The following HSPA9 variants were observed in gnomAD, a reference collection of about 807,000 sequenced individuals.
HSPA9 encodes heat shock protein family A (Hsp70) member 9.
A neutral mutation model predicts 81.5 loss-of-function variants in HSPA9; 28 were observed. The ratio of observed to expected loss-of-function variants is 0.34; its 90% confidence interval spans 0.25 to 0.47. HSPA9 has a LOEUF of 0.47. Among genes scored for constraint, HSPA9 ranks in the 20% least tolerant of loss-of-function variants. The probability of loss-of-function intolerance (pLI) is 1.00; values close to 1 mark genes in which losing one functional copy is unlikely to be tolerated. For missense variants in HSPA9, 678 were observed against 838.0 expected, an observed-to-expected ratio of 0.81 and a Z score of 2.36; for synonymous variants, 293 against 290.4, an observed-to-expected ratio of 1.01 and a Z score of -0.09.
intron 5 of HSPA9, among the ~76,000 whole-genome samples, chr5:138,568,703 C>G (rs759665668): frequency 1.3e-5 from 2 of 151,892 alleles, no homozygotes; most frequent in East Asian, 1.9e-4. Flanking sequence ...AACATTACCC[C>G]CTACTGGAAA....
chr5:138,569,668 T>C (rs1750836261), intron 4 of HSPA9, among the ~76,000 whole-genome samples: 1 of 152,204 alleles, frequency 6.6e-6, no homozygotes, highest in Non-Finnish European at 1.5e-5. Flanking sequence ...ACAGAATTCA[T>C]ATTCTACTCA....
chr5:138,561,096 A>G (rs1479083240), intron 10 of HSPA9: 3 of 493,394 alleles, frequency 6.1e-6, no homozygotes, highest in African/African-American at 1.9e-5. Context: ...TGTTGAATAA[A>G]ATACATCATT....
intron 16 of HSPA9, 98 bp from the exon 17 acceptor site, chr5:138,556,212 A>G (rs942016534): frequency 9.1e-7 from 1 of 1,096,452 alleles, no homozygotes; most frequent in Non-Finnish European, 1.4e-6. Flanking sequence ...ATATGTCCTC[A>G]TCATTCATTT....
chr5:138,571,960 C>CTTTTT (rs10694029), intron 3 of HSPA9, among the ~76,000 whole-genome samples: 11,643 of 100,340 alleles, frequency 0.12, 1,992 homozygotes, highest in African/African-American at 0.15. Context: ...CTGCGCCTGG[C>CTTTTT]TTTTTTTTTT....
chr5:138,556,596 A>T lies in HSPA9; in HGVS notation c.1822-4T>A. 6.2e-7 allele frequency: 1 copy of T among 1,613,510 alleles called. No individual in the cohort carries two copies. The highest frequency in any genetic ancestry group is 8.5e-7 in the Non-Finnish European group (1 of 1,179,774). On this transcript the variant is annotated splice_polypyrimidine_tract_variant and splice_region_variant and intron_variant, in intron 15 of 16. Transcript: ENST00000297185. Reference sequence around the variant, plus strand: ...TCTCTTCTTTCAGCTTGTTGCACTTAAAAAAAGAAAACAAAAATCCTTACT... The same window carrying T: ...TCTCTTCTTTCAGCTTGTTGCACTTTAAAAAAGAAAACAAAAATCCTTACT...
At chr5:138,559,491 A>G (rs551356590) in intron 11 of HSPA9, among the ~76,000 whole-genome samples, 26 of 152,220 alleles carry the variant, frequency 1.7e-4, no homozygotes, top group South Asian at 6.2e-4. Context: ...TCATTCATCC[A>G]TAAGATAAGA....
Position 138,559,915 on chromosome 5 carries a change from G to A in HSPA9, c.1359C>T (p.Val453=). 6.2e-7 allele frequency: 1 copy of A among 1,614,080 alleles called. No individual in the cohort carries two copies. Among genetic ancestry groups the A allele is most frequent in the Non-Finnish European group, 8.5e-7 (1 of 1,179,978 alleles). Residue 453 remains valine, a synonymous_variant, in exon 11 of 17, where the codon GTC becomes GTT. Transcript: ENST00000297185. ...TATTCCTATTAATAAGTTTGGTAAA[G>A]ACACCTCCTAGAGTTTCAATACCCA... The part of the protein sequence containing the change: ...LSLGIETLGG[V]FTKLINRNTT...
At position 138,575,387 on chromosome 5, in the gene HSPA9, G is replaced by C; in HGVS notation, c.-69C>G. ...ACGGCAAAGAGCTGCGCGATGCGGT[G>C]GCGGCAGCGCTTCTGGAAACCTCCA... On this transcript the variant is annotated 5_prime_UTR_variant, in exon 1 of 17. Coordinates refer to ENST00000297185, the MANE Select transcript of HSPA9 (RefSeq NM_004134.7). 7.4e-7 allele frequency: 1 copy of C among 1,357,208 alleles called. No individual in the cohort carries two copies. The highest frequency in any genetic ancestry group is 1.0e-6 in the Non-Finnish European group (1 of 956,812). 84.1% of individuals were successfully genotyped at this position (1,357,208 alleles called of 1,614,324 possible).
In HSPA9 at chr5:138,555,037, A is replaced by C. The variant is rs1160660560; in HGVS notation, c.*1000T>G. 1 of 142,326 alleles carries C rather than the reference A, an allele frequency of 7.0e-6. No homozygotes were observed. The highest frequency in any genetic ancestry group is 3.1e-5 in the African/African-American group (1 of 32,338). 8.8% of individuals were successfully genotyped at this position (142,326 alleles called of 1,614,324 possible). A position where few individuals can be genotyped will look rare whatever the true frequency, so the allele number is the denominator to read the frequency against. On this transcript the variant is annotated 3_prime_UTR_variant, in exon 17 of 17. Coordinates refer to ENST00000297185, the MANE Select transcript of HSPA9 (RefSeq NM_004134.7). ...AAATAGCCACCTTGGTTTTCATGTT[A>C]GAGATCTAAAAACTTTCATGTTAGA...
At chr5:138,561,319 C>T (rs922580146) in intron 10 of HSPA9, among the ~76,000 whole-genome samples, 1 of 151,676 alleles carries the variant, frequency 6.6e-6, no homozygotes, top group Non-Finnish European at 1.5e-5. Flanking sequence ...TACATACATA[C>T]ATATATATAT....
rs1491236006 is a variant in HSPA9 at position 138,554,813 on chromosome 5, A to ATGAT, written c.*1220_*1223dup. On this transcript the variant is annotated 3_prime_UTR_variant, in exon 17 of 17. Transcript: ENST00000297185. ...GCCTTTCTGCTCAGGTTGTCAGCACATGATAATTATTAGAACTACATCAGA... is the reference window on the plus strand; with the variant it reads ...GCCTTTCTGCTCAGGTTGTCAGCACATGATTGATAATTATTAGAACTACATCAGA... 1 of 152,246 alleles carries ATGAT rather than the reference A, an allele frequency of 6.6e-6. No individual in the cohort carries two copies. Among genetic ancestry groups the ATGAT allele is most frequent in the African/African-American group, 2.4e-5 (1 of 41,474 alleles). 9.4% of individuals were successfully genotyped at this position (152,246 alleles called of 1,614,324 possible).
chr5:138,558,590 ATC>A lies in HSPA9; in HGVS notation c.1476_1477del (p.Glu492AspfsTer27). ...TCCAAGGAGTTTGTTGTCTCCAGCC[ATC>A]TCTCTTTCACCCTGACACACTTTAA... is the stretch of plus-strand genomic sequence containing the variant. On this transcript the variant is annotated frameshift_variant, in exon 12 of 17. Transcript: ENST00000297185. LOFTEE classifies it high-confidence loss of function. 6.2e-7 allele frequency: 1 copy of A among 1,613,602 alleles called. No homozygotes were observed. The highest frequency in any genetic ancestry group is 8.5e-7 in the Non-Finnish European group (1 of 1,179,534).
rs779991863 is a variant in HSPA9, at chr5:138,555,087, A to G, written c.*950T>C. 1 of 152,178 alleles carries G rather than the reference A, an allele frequency of 6.6e-6. No homozygotes were observed. Among genetic ancestry groups the G allele is most frequent in the Non-Finnish European group, 1.5e-5 (1 of 68,042 alleles). The allele number at this position is 152,178 out of a possible 1,614,324, so 9.4% of individuals were successfully genotyped here. A position where few individuals can be genotyped will look rare whatever the true frequency, so the allele number is the denominator to read the frequency against. Reference sequence around the variant, plus strand: ...AGATCTAGAAACTTTCATGTTAGAGATCTAGAAACTTTCAAGATTCTAAAT... The same window carrying G: ...AGATCTAGAAACTTTCATGTTAGAGGTCTAGAAACTTTCAAGATTCTAAAT... On this transcript the variant is annotated 3_prime_UTR_variant, in exon 17 of 17. Transcript: ENST00000297185.
chr5:138,575,340 G>C lies in HSPA9; in HGVS notation c.-22C>G, dbSNP rs756686657. 2.6e-5 allele frequency: 42 copies of C among 1,600,054 alleles called. No homozygotes were observed. Among genetic ancestry groups the C allele is most frequent in the Non-Finnish European group, 3.3e-5 (39 of 1,169,474 alleles). ...TCATGGCGGATAAATGGAGGAGTAC[G>C]AGGCAGCAAACAAGCGCTCCGACGG... On this transcript the variant is annotated 5_prime_UTR_variant, in exon 1 of 17. Transcript: ENST00000297185.
At chr5:138,573,309 G>A (rs536033013) in intron 3 of HSPA9, among the ~76,000 whole-genome samples, 9 of 152,122 alleles carry the variant, frequency 5.9e-5, no homozygotes, top group African/African-American at 9.7e-5. Context: ...GACTGCAGGC[G>A]TGAGCCATTA....
intron 3 of HSPA9, 122 bp downstream of exon 3, chr5:138,573,641 C>CAAAGAAAAAAAA (rs1751002017): frequency 4.6e-6 from 1 of 217,046 alleles, no homozygotes; most frequent in African/African-American, 5.5e-5. Context: ...AGACTGTCTC[C>CAAAGAAAAAAAA]AAAAAAAAAA....
chr5:138,567,041 T>C lies in HSPA9; in HGVS notation c.839A>G (p.Gln280Arg), dbSNP rs1750783753. 1 of 1,613,390 alleles carries C rather than the reference T, an allele frequency of 6.2e-7. No homozygotes were observed. Residue 280 changes from glutamine to arginine, a missense_variant, in exon 8 of 17, where the codon CAG (glutamine) becomes CGG (arginine). This residue lies in a region of HSPA9 where 484 missense variants were observed against 647.5 expected (regional missense o/e 0.75). Transcript: ENST00000297185. Reference sequence around the variant, plus strand: ...CTTCACAATGTGCCGTAGCAAGGCCTGGTCAAAGTCTTCCCCACCTAAGAA... The same window carrying C: ...CTTCACAATGTGCCGTAGCAAGGCCCGGTCAAAGTCTTCCCCACCTAAGAA... ...DTFLGGEDFD[Q>R]ALLRHIVKEF...
chr5:138,570,254 C>T (rs2127160546), intron 4 of HSPA9, among the ~76,000 whole-genome samples: 1 of 152,196 alleles, frequency 6.6e-6, no homozygotes. Flanking sequence ...GTGGAAGGGT[C>T]AGTTGAGTCC....
intron 9 of HSPA9, among the ~76,000 whole-genome samples, chr5:138,566,188 CAAAAAA>C (rs1186233815): frequency 7.2e-4 from 43 of 59,694 alleles, no homozygotes; most frequent in African/African-American, 1.6e-3. Flanking sequence ...AACTCTGTCT[CAAAAAA>C]AAAAAAAAAA....
Sources: allele counts gnomAD v4.1 joint callset (sites outside exome capture counted in the v4.1 genomes callset), GRCh38; gene constraint gnomAD v4.1.1; regional missense constraint gnomAD v4.1.1; transcripts MANE v1.5; gene names NCBI Gene and HGNC (gene_info 2026-07-23, HGNC 2026-07-21).